NRG1: variants seen among roughly 807,000 people sequenced by gnomAD.
NRG1 encodes the protein neuregulin 1.
In NRG1, 18 loss-of-function variants were observed where a neutral mutation model predicts 63.8. That is an observed-to-expected ratio of 0.28 (90% CI 0.19 to 0.42). The LOEUF is 0.42. NRG1 is among the 10% of genes least tolerant of loss of function. NRG1 has a pLI of 1.00. For synonymous variants in NRG1, 302 were observed against 301.3 expected (o/e 1.00, Z -0.02); for missense variants, 762 against 814.7 (o/e 0.94, Z 0.79).
intron 1 of NRG1, among the ~76,000 whole-genome samples, chr8:32,209,710 TTCCC>T (rs1844461744): frequency 7.0e-6 from 1 of 142,396 alleles, no homozygotes; most frequent in Non-Finnish European, 1.5e-5. Context: ...CTTTCTCTCT[TTCCC>T]TTCCTTCCTT....
At chr8:32,019,997 A>T (rs1183662003) in intron 1 of NRG1, among the ~76,000 whole-genome samples, 1 of 152,164 alleles carries the variant, frequency 6.6e-6, no homozygotes, top group Non-Finnish European at 1.5e-5. Flanking sequence ...ATAAATTTGG[A>T]ATCAGATTGA....
At chr8:31,653,003 T>C (rs10103520) in intron 1 of NRG1, among the ~76,000 whole-genome samples, 7,658 of 21,622 alleles carry the variant, frequency 0.35, 1,289 homozygotes, top group East Asian at 0.69. Flanking sequence ...TCCTCTCCTC[T>C]CCTCCCCTCC....
chr8:32,125,867 A>G (rs1056738049), intron 1 of NRG1, among the ~76,000 whole-genome samples: 2 of 151,958 alleles, frequency 1.3e-5, no homozygotes, highest in African/African-American at 4.8e-5. Flanking sequence ...CCTTGTCACA[A>G]TATGATTTTG....
chr8:32,283,942 C>G (rs1460522211), intron 1 of NRG1, among the ~76,000 whole-genome samples: 1 of 152,070 alleles, frequency 6.6e-6, no homozygotes, highest in Non-Finnish European at 1.5e-5. Context: ...AGGAGATCCC[C>G]CAAATTTTTC....
At chr8:32,048,808 A>G (rs1436211409) in intron 1 of NRG1, among the ~76,000 whole-genome samples, 6 of 151,790 alleles carry the variant, frequency 4.0e-5, no homozygotes, top group African/African-American at 1.5e-4. Flanking sequence ...CCGTTTTTTA[A>G]TCGGGTTGTT....
chr8:32,426,259 C>T (rs1021943298), intron 1 of NRG1, among the ~76,000 whole-genome samples: 1 of 152,018 alleles, frequency 6.6e-6, no homozygotes, highest in African/African-American at 2.4e-5. Context: ...TCATCAATGG[C>T]CGTAGGTTGC....
intron 1 of NRG1, among the ~76,000 whole-genome samples, chr8:31,917,227 A>G (rs1482233835): frequency 2.5e-5 from 3 of 117,910 alleles, no homozygotes; most frequent in Non-Finnish European, 1.8e-5. Context: ...CCATTTGTCA[A>G]TTTTGGCTTT....
intron 2 of NRG1, among the ~76,000 whole-genome samples, chr8:32,596,642 A>G (rs1307238633): frequency 6.6e-6 from 1 of 152,054 alleles, no homozygotes; most frequent in Non-Finnish European, 1.5e-5. Flanking sequence ...AGACAAATGC[A>G]TATGATAATT....
intron 1 of NRG1, among the ~76,000 whole-genome samples, chr8:32,403,190 T>G (rs1420450837): frequency 6.6e-6 from 1 of 150,940 alleles, no homozygotes; most frequent in African/African-American, 2.4e-5. Flanking sequence ...TCGCAGCTAC[T>G]TGGGAAGCTG....
chr8:32,653,129 TTTTGTTTG>T (rs199864736), intron 5 of NRG1, among the ~76,000 whole-genome samples: 1 of 149,194 alleles, frequency 6.7e-6, no homozygotes, highest in African/African-American at 2.4e-5. Context: ...TTTGGTTTTT[TTTTGTTTG>T]TTTGTTTGTT....
At chr8:32,485,000 AG>A (rs1322175409) in intron 1 of NRG1, among the ~76,000 whole-genome samples, 2 of 152,210 alleles carry the variant, frequency 1.3e-5, no homozygotes, top group Non-Finnish European at 2.9e-5. Flanking sequence ...AGGATTCCAA[AG>A]GGTTTCAGAA....
chr8:31,714,892 C>T (rs1177210457), intron 1 of NRG1, among the ~76,000 whole-genome samples: 2 of 152,068 alleles, frequency 1.3e-5, no homozygotes, highest in Non-Finnish European at 2.9e-5. Flanking sequence ...CATGAATAGG[C>T]TAATTGTAAC....
intron 8 of NRG1, among the ~76,000 whole-genome samples, chr8:32,754,969 AC>A (rs758536858): frequency 4.6e-5 from 7 of 152,230 alleles, no homozygotes; most frequent in Non-Finnish European, 1.0e-4. Context: ...ACTGAAAATT[AC>A]GAGATAAAGG....
intron 1 of NRG1, among the ~76,000 whole-genome samples, chr8:31,854,862 G>T (rs555704239): frequency 7.9e-5 from 12 of 152,088 alleles, no homozygotes; most frequent in South Asian, 4.2e-4. Context: ...CCTTCGTTTC[G>T]TTATGTACCC....
At chr8:32,331,371 A>AAAG in intron 1 of NRG1, among the ~76,000 whole-genome samples, 1 of 150,360 alleles carries the variant, frequency 6.7e-6, no homozygotes, top group African/African-American at 2.4e-5. Context: ...AATACAAAAA[A>AAAG]AAAAAAAAAA....
chr8:32,433,030 C>T (rs1354498336), intron 1 of NRG1, among the ~76,000 whole-genome samples: 2 of 152,036 alleles, frequency 1.3e-5, no homozygotes, highest in African/African-American at 4.8e-5. Flanking sequence ...GAGTGAGTGC[C>T]AAGAGGTGAG....
chr8:32,524,281 G>A (rs1221276514), intron 1 of NRG1, among the ~76,000 whole-genome samples: 1 of 152,042 alleles, frequency 6.6e-6, no homozygotes, highest in Non-Finnish European at 1.5e-5. Context: ...CTTCCTGAGT[G>A]GCTGTGATTT....
At chr8:32,719,003 T>G (rs559888044) in intron 5 of NRG1, among the ~76,000 whole-genome samples, 3 of 152,132 alleles carry the variant, frequency 2.0e-5, no homozygotes, top group Non-Finnish European at 4.4e-5. Context: ...TTTTTATTCC[T>G]GCCTTACTGC....
chr8:32,411,816 A>G lies in NRG1; in HGVS notation c.38-184012A>G, dbSNP rs73675182. On this transcript the variant is annotated intron_variant, in intron 1 of 10. Transcript: ENST00000519301. ...TGCATCCGAAAAGCCTGAAACGTGT[A>G]CATATTCTTTGATCTAGCCATCTTA... 6.1e-3 allele frequency among the ~76,000 whole-genome samples: 923 copies of G among 152,368 alleles called. 12 individuals carry two copies. Among genetic ancestry groups the G allele is most frequent in the African/African-American group, 0.021 (886 of 41,594 alleles).
Sources: gnomAD v4.1 joint callset for allele counts (sites outside exome capture counted in the v4.1 genomes callset) on GRCh38, gnomAD v4.1.1 for gene constraint, MANE v1.5 for transcripts, NCBI Gene and HGNC (gene_info 2026-07-23, HGNC 2026-07-21) for gene names.